NKAIN3: variants seen among roughly 807,000 people sequenced by gnomAD.
NKAIN3 encodes sodium/potassium-transporting ATPase subunit beta-1-interacting protein 3.
A neutral mutation model predicts 30.2 loss-of-function variants in NKAIN3; 25 were observed. The observed-to-expected ratio is 0.83, with a 90% confidence interval of 0.60 to 1.16. The LOEUF is 1.16. NKAIN3 is among the 50% of genes most tolerant of loss of function. NKAIN3 has a pLI of 0.00. For synonymous variants in NKAIN3, 91 were observed against 89.6 expected (o/e 1.02, Z -0.09); for missense variants, 225 against 254.1 (o/e 0.89, Z 0.78).
chr8:62,576,488 C>T (rs950961607), intron 1 of NKAIN3, among the ~76,000 whole-genome samples: 2 of 151,980 alleles, frequency 1.3e-5, no homozygotes, highest in South Asian at 2.1e-4. Flanking sequence ...TCATCTGGAC[C>T]GAATGCTTTC....
Position 62,503,150 on chromosome 8 carries a change from C to G in NKAIN3, c.55-76389C>G, listed in dbSNP as rs564757438. Among the ~76,000 whole-genome samples the G allele has an allele frequency of 2.6e-5, 4 of 152,230 alleles. No individual in the cohort carries two copies. In the South Asian group the frequency reaches 8.3e-4, roughly 32 times the overall value. ...TTCAACATAGGTTCTTTCTATTTTC[C>G]CTAAGTGTTGGTCAGTCTGAGAAAT... On this transcript the variant is annotated intron_variant, in intron 1 of 6. Transcript: ENST00000623646.
At chr8:62,325,209 T>C (rs1465681785) in intron 1 of NKAIN3, among the ~76,000 whole-genome samples, 2 of 152,036 alleles carry the variant, frequency 1.3e-5, no homozygotes, top group African/African-American at 4.8e-5. Context: ...TTAACTTCCA[T>C]GTAGAAGTAA....
At chr8:62,442,054 C>A (rs1805343375) in intron 1 of NKAIN3, among the ~76,000 whole-genome samples, 1 of 151,856 alleles carries the variant, frequency 6.6e-6, no homozygotes, top group Admixed American at 6.6e-5. Context: ...TCATTATATT[C>A]TCTATTGAAC....
At chr8:62,902,587 G>A (rs564371772) in intron 4 of NKAIN3, among the ~76,000 whole-genome samples, 4 of 152,232 alleles carry the variant, frequency 2.6e-5, no homozygotes, top group Non-Finnish European at 4.4e-5. Flanking sequence ...ATTCTGACAA[G>A]ACAAAAACCA....
rs1378241608 is a variant in NKAIN3, at chr8:62,378,305, A to G, written c.54+129178A>G. Among the ~76,000 whole-genome samples, 4 of 152,252 alleles carry G rather than the reference A, an allele frequency of 2.6e-5. No individual in the cohort carries two copies. In the East Asian group the frequency reaches 7.7e-4, roughly 29 times the overall value. ...TAAAGCATTCAAGAGGTGACAGATC[A>G]TAAAAGTTTGAAAAATTTTCAGCCT... On this transcript the variant is annotated intron_variant, in intron 1 of 6. Transcript: ENST00000623646.
chr8:62,882,458 T>G (rs531309066), intron 4 of NKAIN3, among the ~76,000 whole-genome samples: 297 of 152,158 alleles, frequency 2.0e-3, no homozygotes, highest in Non-Finnish European at 3.1e-3. Flanking sequence ...GCTAGCATTA[T>G]AGGCATCCAT....
At chr8:62,862,163 A>T (rs1336603380) in intron 4 of NKAIN3, among the ~76,000 whole-genome samples, 1 of 152,232 alleles carries the variant, frequency 6.6e-6, no homozygotes, top group East Asian at 1.9e-4. Flanking sequence ...ATTTTAAAGC[A>T]GTAAAAACAT....
At chr8:62,741,420 AAGGC>A (rs142133652) in intron 3 of NKAIN3, among the ~76,000 whole-genome samples, 163 of 136,416 alleles carry the variant, frequency 1.2e-3, no homozygotes, top group Middle Eastern at 4.1e-3. Context: ...GGAAGGAAGG[AAGGC>A]AGGCAAGCAA....
intron 4 of NKAIN3, among the ~76,000 whole-genome samples, chr8:62,873,787 G>A (rs1051473370): frequency 5.9e-5 from 9 of 152,096 alleles, no homozygotes; most frequent in South Asian, 4.1e-4. Flanking sequence ...TGAAATGAAC[G>A]AGAACAAAGA....
chr8:62,276,742 C>G (rs1345770948), intron 1 of NKAIN3, among the ~76,000 whole-genome samples: 1 of 152,166 alleles, frequency 6.6e-6, no homozygotes, highest in African/African-American at 2.4e-5. Flanking sequence ...TTTGTAATTA[C>G]TAGCAGTCAT....
At chr8:62,933,639 C>G (rs974951408) in intron 5 of NKAIN3, among the ~76,000 whole-genome samples, 1 of 152,070 alleles carries the variant, frequency 6.6e-6, no homozygotes, top group Non-Finnish European at 1.5e-5. Context: ...ATATCATACA[C>G]TATTAGAAAA....
intron 1 of NKAIN3, among the ~76,000 whole-genome samples, chr8:62,541,178 G>A (rs1479103026): frequency 6.6e-6 from 1 of 151,996 alleles, no homozygotes; most frequent in African/African-American, 2.4e-5. Context: ...ATAGCCAGGT[G>A]TGGTGGCACA....
chr8:62,901,088 A>C (rs2130837234), intron 4 of NKAIN3, among the ~76,000 whole-genome samples: 1 of 152,300 alleles, frequency 6.6e-6, no homozygotes, highest in South Asian at 2.1e-4. Flanking sequence ...AAAATCTCAG[A>C]TCCAAGGAGG....
chr8:62,350,324 A>G (rs746764071), intron 1 of NKAIN3, among the ~76,000 whole-genome samples: 27 of 152,236 alleles, frequency 1.8e-4, no homozygotes, highest in African/African-American at 3.1e-4. Flanking sequence ...AACAACATGC[A>G]TGAACCTTGA....
chr8:62,969,169 T>C lies in NKAIN3; in HGVS notation c.*3762T>C, dbSNP rs1823778740. Among the ~76,000 whole-genome samples, 1 of 152,230 alleles carries C rather than the reference T, an allele frequency of 6.6e-6. No homozygotes were observed. The highest frequency in any genetic ancestry group is 6.5e-5 in the Admixed American group (1 of 15,280). On this transcript the variant is annotated 3_prime_UTR_variant, in exon 7 of 7. Coordinates refer to ENST00000623646, the MANE Select transcript of NKAIN3 (RefSeq NM_001304533.3). ...CCTAGCAAAATATTGACTTCTTTGATTTTTCCTTCAGAAAAATAAGCCCTG... is the reference window on the plus strand; with the variant it reads ...CCTAGCAAAATATTGACTTCTTTGACTTTTCCTTCAGAAAAATAAGCCCTG...
intron 4 of NKAIN3, among the ~76,000 whole-genome samples, chr8:62,783,935 G>A (rs148974983): frequency 1.2e-4 from 19 of 152,056 alleles, no homozygotes; most frequent in East Asian, 7.8e-4. Context: ...ATGTGCCACC[G>A]TGTCTGGCCC....
intron 3 of NKAIN3, among the ~76,000 whole-genome samples, chr8:62,615,225 G>A (rs991016738): frequency 2.0e-5 from 3 of 152,114 alleles, no homozygotes; most frequent in African/African-American, 4.8e-5. Context: ...GGTGAATGCT[G>A]CCAGGACTGG....
At chr8:62,462,152 A>G (rs927834226) in intron 1 of NKAIN3, among the ~76,000 whole-genome samples, 6 of 152,322 alleles carry the variant, frequency 3.9e-5, no homozygotes, top group African/African-American at 1.2e-4. Context: ...GACAGAGTCC[A>G]TGGGCACAGG....
chr8:62,418,862 C>T (rs760804030), intron 1 of NKAIN3, among the ~76,000 whole-genome samples: 8 of 152,128 alleles, frequency 5.3e-5, no homozygotes, highest in Non-Finnish European at 1.0e-4. Context: ...CTCATAGATC[C>T]GCTGGCATGA....
Sources: allele counts gnomAD v4.1 joint callset (sites outside exome capture counted in the v4.1 genomes callset), GRCh38; gene constraint gnomAD v4.1.1; transcripts MANE v1.5; gene names NCBI Gene and HGNC (gene_info 2026-07-23, HGNC 2026-07-21).